Variants in CHD3 observed in about 807,000 individuals in gnomAD.
CHD3 encodes ATP-dependent chromatin remodeler CHD3.
CHD3 carries 52 observed loss-of-function variants against 248.9 expected under a neutral mutation model. The observed-to-expected ratio is 0.21, with a 90% CI of 0.17 to 0.26. The LOEUF is 0.26. Among genes scored for constraint, CHD3 ranks in the 10% least tolerant of loss-of-function variants. The pLI, the probability that CHD3 is intolerant of heterozygous loss-of-function variation, is 1.00. For missense variants in CHD3, 1,482 were observed against 2,605.8 expected, an observed-to-expected ratio of 0.57 and a Z score of 9.39; for synonymous variants, 985 against 985.2, an observed-to-expected ratio of 1.00 and a Z score of 0.00.
chr17:7,905,988 A>C lies in CHD3; in HGVS notation c.4357A>C (p.Lys1453Gln), dbSNP rs746550117. The C allele has an allele frequency of 3.1e-6, 5 of 1,613,802 alleles. No individual in the cohort carries two copies. The African/African-American group carries it at 5.3e-5, about 17-fold the overall frequency. ...GAGGGGCAAGACTGAGAAGGAGTTTAAGTGAGTGTGGGTGATACAGGGCTG... is the reference window on the plus strand; with the variant it reads ...GAGGGGCAAGACTGAGAAGGAGTTTCAGTGAGTGTGGGTGATACAGGGCTG... ...DLRGKTEKEF[K>Q]AYVSLFMRHL... Residue 1453 changes from lysine (K) to glutamine (Q), a missense_variant and splice_region_variant, in exon 28 of 40, where the codon AAG (lysine) becomes CAG (glutamine). Lys to Gln is a moderately conservative substitution (Grantham distance 53). Transcript: ENST00000330494. The surrounding 1 kb of genome is among the most constrained non-coding windows in gnomAD (Gnocchi z 5.8).
Position 7,900,630 on chromosome 17 carries a change from G to T in CHD3, c.2877G>T (p.Leu959Phe). Residue 959 changes from leucine (L) to phenylalanine (F), a missense_variant, in exon 18 of 40, where the codon TTG (leucine) becomes TTT (phenylalanine). Coordinates refer to ENST00000330494, the MANE Select transcript of CHD3 (RefSeq NM_001005273.3). The surrounding 1 kb of genome is among the most constrained non-coding windows in gnomAD (Gnocchi z 6.5). ...KEDQIKKLHD[L>F]LGPHMLRRLK... Reference sequence around the variant, plus strand: ...ACCAGATCAAGAAACTGCATGATTTGCTGGGGCCACACATGCTGCGGAGAC... The same window carrying T: ...ACCAGATCAAGAAACTGCATGATTTTCTGGGGCCACACATGCTGCGGAGAC... 1.2e-6 allele frequency: 2 copies of T among 1,614,088 alleles called. No homozygotes were observed. Among genetic ancestry groups the T allele is most frequent in the Non-Finnish European group, 1.7e-6 (2 of 1,180,026 alleles).
intron 4 of CHD3, 66 bp from the exon 5 acceptor site, chr17:7,893,220 A>G: frequency 4.0e-6 from 6 of 1,494,290 alleles, no homozygotes; most frequent in Non-Finnish European, 5.4e-6. Flanking sequence ...TTAATTGATG[A>G]GGGGAGATGG....
chr17:7,900,249 A>G lies in CHD3; in HGVS notation c.2683-41A>G, dbSNP rs372184527. 2.5e-6 allele frequency: 4 copies of G among 1,613,008 alleles called. No individual in the cohort carries two copies. In the African/African-American group the frequency reaches 5.3e-5, roughly 22 times the overall value. On this transcript the variant is annotated intron_variant, in intron 16 of 39. Transcript: ENST00000330494. The surrounding 1 kb of genome is among the most constrained non-coding windows in gnomAD (Gnocchi z 6.5). The stretch of plus-strand genomic sequence containing the variant: ...TGCTGTGGGTCGGTCACTTGTCACT[A>G]ATAAGCCCATTTTCCTGCCTTGCCT...
At position 7,900,158 on chromosome 17, in the gene CHD3, G is replaced by C; in HGVS notation, c.2682+125G>C. 1 of 1,521,148 alleles carries C rather than the reference G, an allele frequency of 6.6e-7. No homozygotes were observed. 94.2% of individuals were successfully genotyped at this position (1,521,148 alleles called of 1,614,324 possible). On this transcript the variant is annotated intron_variant, in intron 16 of 39. Transcript: ENST00000330494. The surrounding 1 kb of genome is among the most constrained non-coding windows in gnomAD (Gnocchi z 6.5). ...GGGAGGACGTCCAGGTTGGAAGAGG[G>C]AGAGGGCCAGAGATTTGGGGCCTCT...
rs1232242880 is a variant in CHD3 at position 7,907,746 on chromosome 17, CA to C, written c.5026+45del. 6.6e-7 allele frequency: 1 copy of C among 1,510,316 alleles called. No homozygotes were observed. Among genetic ancestry groups the C allele is most frequent in the African/African-American group, 1.4e-5 (1 of 70,704 alleles). 93.6% of individuals were successfully genotyped at this position (1,510,316 alleles called of 1,614,324 possible). A position where few individuals can be genotyped will look rare whatever the true frequency, so the allele number is the denominator to read the frequency against. ...CGGACACCTGGGTCCCAGAGGGCATCAGGGGAGGTGGAGTCTGGGGAACCGA... is the reference window on the plus strand; with the variant it reads ...CGGACACCTGGGTCCCAGAGGGCATCGGGGAGGTGGAGTCTGGGGAACCGA... On this transcript the variant is annotated intron_variant, in intron 33 of 39. Transcript: ENST00000330494. This position sits in a 1 kb window ranked among gnomAD's most constrained non-coding sequence, Gnocchi z 4.3.
At chr17:7,890,793 G>A in intron 3 of CHD3, 52 bp downstream of exon 3, 1 of 1,581,064 alleles carries the variant, frequency 6.3e-7, no homozygotes, top group Non-Finnish European at 8.6e-7. Flanking sequence ...AGACGGGCAT[G>A]AGGAGGGGAG....
rs1970645605 is a variant in CHD3 at position 7,904,233 on chromosome 17, G to A, written c.3895-209G>A. The A allele has an allele frequency of 6.4e-6, 4 of 624,200 alleles. No individual in the cohort carries two copies. The highest frequency in any genetic ancestry group is 5.9e-5 in the Admixed American group (2 of 33,930). 38.7% of individuals were successfully genotyped at this position (624,200 alleles called of 1,614,324 possible). On this transcript the variant is annotated intron_variant, in intron 24 of 39. Coordinates refer to ENST00000330494, the MANE Select transcript of CHD3 (RefSeq NM_001005273.3). The surrounding 1 kb of genome is among the most constrained non-coding windows in gnomAD (Gnocchi z 4.4). ...GAGAAACACTGTCAGAGGGATTAGA[G>A]GAGAGATTTAGAAAACATGAGGAGA...
chr17:7,910,650 C>G lies in CHD3; in HGVS notation c.5754+59C>G, dbSNP rs935585155. On this transcript the variant is annotated intron_variant, in intron 38 of 39. Transcript: ENST00000330494. This position sits in a 1 kb window ranked among gnomAD's most constrained non-coding sequence, Gnocchi z 4.7. Reference sequence around the variant, plus strand: ...TGTTTGTGTTCCTCCTGCACACATACAAACACTTCCATCAGAATCCTATAC... The same window carrying G: ...TGTTTGTGTTCCTCCTGCACACATAGAAACACTTCCATCAGAATCCTATAC... 2 of 1,559,486 alleles carry G rather than the reference C, an allele frequency of 1.3e-6. No individual in the cohort carries two copies. Among genetic ancestry groups the G allele is most frequent in the African/African-American group, 2.7e-5 (2 of 73,698 alleles).
Position 7,908,837 on chromosome 17 carries a change from T to A in CHD3, c.5394+8T>A, listed in dbSNP as rs917564690. The A allele has an allele frequency of 1.4e-5, 22 of 1,613,764 alleles. No homozygotes were observed. Among genetic ancestry groups the A allele is most frequent in the Non-Finnish European group, 1.9e-5 (22 of 1,179,942 alleles). On this transcript the variant is annotated splice_region_variant and intron_variant, in intron 36 of 39. Coordinates refer to ENST00000330494, the MANE Select transcript of CHD3 (RefSeq NM_001005273.3). This position sits in a 1 kb window ranked among gnomAD's most constrained non-coding sequence, Gnocchi z 5.8. ...CTGGCCCGGAGGTTCAAGGTGGGAATGAGGGAGGAAAGGAGCGGGTTATAG... is the reference window on the plus strand; with the variant it reads ...CTGGCCCGGAGGTTCAAGGTGGGAAAGAGGGAGGAAAGGAGCGGGTTATAG...
chr17:7,893,048 G>A (rs896195942), intron 4 of CHD3, among the ~76,000 whole-genome samples: 1 of 152,112 alleles, frequency 6.6e-6, no homozygotes, highest in African/African-American at 2.4e-5. Flanking sequence ...TGGAATTACA[G>A]GCATGAGCCA....
intron 13 of CHD3, 53 bp from the exon 14 acceptor site, chr17:7,898,958 C>T (rs918685851): frequency 4.7e-6 from 7 of 1,499,312 alleles, no homozygotes; most frequent in Non-Finnish European, 4.6e-6. Flanking sequence ...GAGACTAAGA[C>T]TGGAGGAGCC....
Position 7,907,142 on chromosome 17 carries a change from T to G in CHD3, c.4683T>G (p.Ser1561Arg). 6.2e-7 allele frequency: 1 copy of G among 1,613,990 alleles called. No individual in the cohort carries two copies. Among genetic ancestry groups the G allele is most frequent in the South Asian group, 1.1e-5 (1 of 91,080 alleles). The change falls in exon 31 of 40, where the codon AGT (serine) becomes AGG (arginine). Residue 1561 changes from serine to arginine, a missense_variant. Coordinates refer to ENST00000330494, the MANE Select transcript of CHD3 (RefSeq NM_001005273.3). This position sits in a 1 kb window ranked among gnomAD's most constrained non-coding sequence, Gnocchi z 4.3. ...CTSKPATPAPSEKGEGIRTPL... is the reference protein window; with the variant it reads ...CTSKPATPAPREKGEGIRTPL... ...CCCCTGCAGCTACTCCAGCTCCAAGTGAGAAAGGAGAAGGCATAAGGACAC... is the reference window on the plus strand; with the variant it reads ...CCCCTGCAGCTACTCCAGCTCCAAGGGAGAAAGGAGAAGGCATAAGGACAC...
rs746462560 is a variant in CHD3 at position 7,910,982 on chromosome 17, G to A, written c.5881+9G>A. ...AGGGTCCTTCATCACAGGTCAGCTGGTGTTTTCCTACCCCCTGCTACTCAC... is the reference window on the plus strand; with the variant it reads ...AGGGTCCTTCATCACAGGTCAGCTGATGTTTTCCTACCCCCTGCTACTCAC... On this transcript the variant is annotated intron_variant, in intron 39 of 39. Coordinates refer to ENST00000330494, the MANE Select transcript of CHD3 (RefSeq NM_001005273.3). This position sits in a 1 kb window ranked among gnomAD's most constrained non-coding sequence, Gnocchi z 4.7. 6.2e-7 allele frequency: 1 copy of A among 1,611,862 alleles called. No homozygotes were observed. The highest frequency in any genetic ancestry group is 2.2e-5 in the East Asian group (1 of 44,858).
At chr17:7,885,414 G>A (rs1349200319), upstream of CHD3, among the ~76,000 whole-genome samples, 1 of 149,948 alleles carries the variant, frequency 6.7e-6, no homozygotes, top group African/African-American at 2.4e-5. Context: ...GGCTTTCGGG[G>A]GAGGAGGAGG....
In CHD3 at chr17:7,907,545, G is replaced by T; in HGVS notation, c.4925-56G>T. ...TTAGAATTTGGGATTTCCCTCTTCT[G>T]GGGTCAGGGGATGAGGGTAACATCC... On this transcript the variant is annotated intron_variant, in intron 32 of 39. Coordinates refer to ENST00000330494, the MANE Select transcript of CHD3 (RefSeq NM_001005273.3). This position sits in a 1 kb window ranked among gnomAD's most constrained non-coding sequence, Gnocchi z 4.3. 6.5e-7 allele frequency: 1 copy of T among 1,531,506 alleles called. No homozygotes were observed. Among genetic ancestry groups the T allele is most frequent in the South Asian group, 1.3e-5 (1 of 77,466 alleles). 94.9% of individuals were successfully genotyped at this position (1,531,506 alleles called of 1,614,324 possible). A position where few individuals can be genotyped will look rare whatever the true frequency, so the allele number is the denominator to read the frequency against.
chr17:7,899,199 G>A lies in CHD3; in HGVS notation c.2340G>A (p.Lys780=). 3 of 1,612,936 alleles carry A rather than the reference G, an allele frequency of 1.9e-6. No individual in the cohort carries two copies. The highest frequency in any genetic ancestry group is 2.5e-6 in the Non-Finnish European group (3 of 1,179,102). ...QTIVFLYSLY[K]EGHTKGPFLV... is the part of the protein sequence containing the mutation. ...TCGTCTTCCTCTACTCACTCTACAA[G>A]GAGGTGCTGGATTCTAGGACCTTGA... Residue 780 remains lysine, a synonymous_variant, in exon 14 of 40, where the codon AAG becomes AAA. Coordinates refer to ENST00000330494, the MANE Select transcript of CHD3 (RefSeq NM_001005273.3). The surrounding 1 kb of genome is among the most constrained non-coding windows in gnomAD (Gnocchi z 6.8).
chr17:7,895,399 G>A lies in CHD3; in HGVS notation c.1564G>A (p.Val522Ile), dbSNP rs779370186. ...ILHWRWGEPP[V>I]AVPAPQQADG... is the part of the protein sequence containing the mutation. ...ACATTGGCGGTGGGGGGAGCCACCT[G>A]TAGCAGTGCCAGCCCCTCAACAGGC... Residue 522 changes from valine (V) to isoleucine (I), a missense_variant, in exon 10 of 40, where the codon GTA becomes ATA. Coordinates refer to ENST00000330494, the MANE Select transcript of CHD3 (RefSeq NM_001005273.3). The surrounding 1 kb of genome is among the most constrained non-coding windows in gnomAD (Gnocchi z 4.9). 4.3e-6 allele frequency: 7 copies of A among 1,614,044 alleles called. No homozygotes were observed. In the East Asian group the frequency reaches 8.9e-5, roughly 21 times the overall value.
At position 7,889,027 on chromosome 17, in the gene CHD3, G is replaced by C; in HGVS notation, c.27G>C (p.Leu9=). ...TGAAGGCGGCAGACACTGTGATCCT[G>C]TGGGCAAGAAGTAAAAATGACCAGC... MKAADTVI[L]WARSKNDQLR... Residue 9 remains leucine, a synonymous_variant, in exon 1 of 40, where the codon CTG becomes CTC. Coordinates refer to ENST00000330494, the MANE Select transcript of CHD3 (RefSeq NM_001005273.3). The surrounding 1 kb of genome is among the most constrained non-coding windows in gnomAD (Gnocchi z 4.5). 6.2e-7 allele frequency: 1 copy of C among 1,614,256 alleles called. No homozygotes were observed. The highest frequency in any genetic ancestry group is 8.5e-7 in the Non-Finnish European group (1 of 1,180,040).
At position 7,902,670 on chromosome 17, in the gene CHD3, C is replaced by T; in HGVS notation, c.3313C>T (p.Arg1105Cys). The T allele has an allele frequency of 6.2e-7, 1 of 1,614,050 alleles. No homozygotes were observed. The highest frequency in any genetic ancestry group is 8.5e-7 in the Non-Finnish European group (1 of 1,179,966). Residue 1105 changes from arginine to cysteine, a missense_variant, in exon 21 of 40, where the codon CGC (arginine) becomes TGC (cysteine). Coordinates refer to ENST00000330494, the MANE Select transcript of CHD3 (RefSeq NM_001005273.3). Reference protein sequence around the residue: ...FLDYEGYKYERIDGGITGALR... With the variant: ...FLDYEGYKYECIDGGITGALR... ...AGACTATGAAGGCTACAAGTATGAG[C>T]GCATCGATGGTGGTATCACGGGTGC...
Sources: allele counts gnomAD v4.1 joint callset (sites outside exome capture counted in the v4.1 genomes callset), GRCh38; gene constraint gnomAD v4.1.1; non-coding constraint Gnocchi (gnomAD v3.1); transcripts MANE v1.5; gene names NCBI Gene and HGNC (gene_info 2026-07-23, HGNC 2026-07-21).